Variants in ASTN2 observed in about 807,000 individuals in gnomAD.
ASTN2 encodes the protein astrotactin 2, also known as astrotactin-2.
In ASTN2, 54 loss-of-function variants were observed where a neutral mutation model predicts 139.8. The observed-to-expected ratio is 0.39, with a 90% CI of 0.31 to 0.48. The LOEUF is 0.48. Ranked by LOEUF, ASTN2 falls within the 20% of genes least tolerant of loss-of-function variation. The pLI, the probability that ASTN2 is intolerant of heterozygous loss-of-function variation, is 0.95. For missense variants in ASTN2, 1,565 were observed against 1,725.1 expected, an observed-to-expected ratio of 0.91 and a Z score of 1.64; for synonymous variants, 756 against 719.5, an observed-to-expected ratio of 1.05 and a Z score of -0.81.
chr9:117,158,423 G>GAAAGGAC (rs1294549043), intron 3 of ASTN2, among the ~76,000 whole-genome samples: 1 of 152,046 alleles, frequency 6.6e-6, no homozygotes, highest in Non-Finnish European at 1.5e-5. Flanking sequence ...TATGATTTGA[G>GAAAGGAC]AGTTAACTAT....
At chr9:117,260,334 T>C (rs923300960) in intron 2 of ASTN2, among the ~76,000 whole-genome samples, 1 of 152,160 alleles carries the variant, frequency 6.6e-6, no homozygotes, top group Non-Finnish European at 1.5e-5. Flanking sequence ...GGAACCACTG[T>C]TATTCTTCTT....
chr9:116,854,610 C>T (rs1832689382), intron 11 of ASTN2, among the ~76,000 whole-genome samples: 1 of 150,716 alleles, frequency 6.6e-6, no homozygotes, highest in Admixed American at 6.6e-5. Context: ...ACTAGGAGTG[C>T]AGCTTCCATT....
chr9:116,590,011 G>T (rs769901212), intron 19 of ASTN2, among the ~76,000 whole-genome samples: 36 of 152,330 alleles, frequency 2.4e-4, no homozygotes, highest in Middle Eastern at 6.8e-3. Flanking sequence ...GTCATTGAGG[G>T]GTAGCCTACT....
intron 3 of ASTN2, among the ~76,000 whole-genome samples, chr9:117,191,675 G>A (rs149866207): frequency 6.6e-6 from 1 of 152,172 alleles, no homozygotes; most frequent in Non-Finnish European, 1.5e-5. Flanking sequence ...CACTGGGTGA[G>A]CTCCAGCCAT....
At chr9:117,009,422 G>T (rs749775261) in intron 6 of ASTN2, among the ~76,000 whole-genome samples, 13 of 151,960 alleles carry the variant, frequency 8.6e-5, no homozygotes, top group Non-Finnish European at 1.6e-4. Flanking sequence ...TTTTTGGGAG[G>T]CAAGAAACAG....
chr9:117,155,424 C>T (rs1282346896), intron 3 of ASTN2, among the ~76,000 whole-genome samples: 3 of 151,726 alleles, frequency 2.0e-5, no homozygotes, highest in East Asian at 1.9e-4. Flanking sequence ...TACGGGTGGA[C>T]GGGTCTTGAA....
chr9:117,223,312 C>T (rs1832590633), intron 2 of ASTN2, among the ~76,000 whole-genome samples: 1 of 152,092 alleles, frequency 6.6e-6, no homozygotes, highest in Non-Finnish European at 1.5e-5. Context: ...GTACTGGCAT[C>T]TAGTGGGCAG....
intron 6 of ASTN2, among the ~76,000 whole-genome samples, chr9:117,026,750 T>C (rs1423211109): frequency 6.6e-6 from 1 of 152,168 alleles, no homozygotes; most frequent in Non-Finnish European, 1.5e-5. Context: ...GATTGTGTAC[T>C]GGGGATTACA....
chr9:117,181,294 G>T (rs1831059416), intron 3 of ASTN2: 2 of 433,864 alleles, frequency 4.6e-6, no homozygotes, highest in Non-Finnish European at 8.4e-6. Flanking sequence ...GAAGCCCAGA[G>T]ATGTCAAATA....
chr9:116,809,448 T>C (rs1831109087), intron 12 of ASTN2, among the ~76,000 whole-genome samples: 1 of 152,204 alleles, frequency 6.6e-6, no homozygotes, highest in Admixed American at 6.5e-5. Context: ...ATTCCTGCAG[T>C]AATTCCAAGC....
chr9:117,109,357 AAAAT>A (rs1829192851), intron 4 of ASTN2, among the ~76,000 whole-genome samples: 1 of 105,252 alleles, frequency 9.5e-6, no homozygotes, highest in Non-Finnish European at 2.4e-5. Flanking sequence ...TAAATAAATA[AAAAT>A]AAATAAATAA....
Position 116,725,933 on chromosome 9 carries a change from T to C in ASTN2, c.2644A>G (p.Lys882Glu), listed in dbSNP as rs1828609263. The C allele has an allele frequency of 1.9e-6, 3 of 1,613,176 alleles. No homozygotes were observed. The highest frequency in any genetic ancestry group is 2.5e-6 in the Non-Finnish European group (3 of 1,179,730). The change falls in exon 16 of 23, where the codon AAG becomes GAG. Residue 882 changes from lysine to glutamate, a missense_variant. This residue lies in a region of ASTN2 where 503 missense variants were observed against 591.7 expected (regional missense o/e 0.85). Transcript: ENST00000313400. ...TLAAGFTNVLKILTKESSREE... is the reference protein window; with the variant it reads ...TLAAGFTNVLEILTKESSREE... ...CGACTGCTCTCCTTGGTCAGGATCT[T>C]GAGAACATTAGTGAAGCCTGGACAA...
intron 16 of ASTN2, among the ~76,000 whole-genome samples, chr9:116,714,610 A>T (rs749556656): frequency 6.6e-5 from 10 of 152,208 alleles, no homozygotes; most frequent in Non-Finnish European, 8.8e-5. Flanking sequence ...CCAGGAACCT[A>T]AAAGACCTGA....
intron 19 of ASTN2, among the ~76,000 whole-genome samples, chr9:116,530,395 A>G (rs1210493375): frequency 6.6e-6 from 1 of 151,610 alleles, no homozygotes; most frequent in Admixed American, 6.6e-5. Context: ...AGTTAGGAAG[A>G]ATAAATTTAA....
chr9:117,383,229 GA>G (rs1830316086), intron 1 of ASTN2, among the ~76,000 whole-genome samples: 1 of 152,098 alleles, frequency 6.6e-6, no homozygotes, highest in African/African-American at 2.4e-5. Flanking sequence ...GACATACAAA[GA>G]GGCAATGAGC....
intron 17 of ASTN2, among the ~76,000 whole-genome samples, chr9:116,642,132 C>CAAAA (rs1252642911): frequency 0.23 from 11,188 of 48,820 alleles, 2,464 homozygotes; most frequent in Admixed American, 0.31. Context: ...TCCCAACCCA[C>CAAAA]AAAAAAAAAA....
At chr9:117,238,144 C>A (rs142046191) in intron 2 of ASTN2, among the ~76,000 whole-genome samples, 218 of 152,206 alleles carry the variant, frequency 1.4e-3, no homozygotes, top group Middle Eastern at 0.014. Context: ...CTCCTTGTGG[C>A]GGGAAGGAAG....
At chr9:117,176,136 T>C (rs1830910560) in intron 3 of ASTN2, among the ~76,000 whole-genome samples, 1 of 152,120 alleles carries the variant, frequency 6.6e-6, no homozygotes, top group Non-Finnish European at 1.5e-5. Flanking sequence ...ATCTTTGACA[T>C]GCAAATTAAA....
chr9:116,961,311 A>G (rs1367757093), intron 10 of ASTN2, among the ~76,000 whole-genome samples: 2 of 151,946 alleles, frequency 1.3e-5, no homozygotes, highest in Admixed American at 6.6e-5. Context: ...ACCACCATCT[A>G]TCTCCAGAAG....
Sources: allele counts gnomAD v4.1 joint callset (sites outside exome capture counted in the v4.1 genomes callset), GRCh38; gene constraint gnomAD v4.1.1; regional missense constraint gnomAD v4.1.1; transcripts MANE v1.5; gene names NCBI Gene and HGNC (gene_info 2026-07-23, HGNC 2026-07-21).